The following SRP9 variants were observed in gnomAD, a reference collection of about 807,000 sequenced individuals.
SRP9 encodes the protein signal recognition particle 9, also known as signal recognition particle 9 kDa protein.
Under a neutral mutation model 11.7 loss-of-function variants are expected in SRP9, and 2 were observed. The ratio of observed to expected loss-of-function variants is 0.17; its 90% confidence interval spans 0.07 to 0.54. SRP9 has a LOEUF of 0.54. Among genes scored for constraint, SRP9 ranks in the 20% least tolerant of loss-of-function variants. The pLI is 0.94. For synonymous variants in SRP9, 27 were observed against 35.6 expected, an observed-to-expected ratio of 0.76 and a Z score of 0.86; for missense variants, 54 against 108.1, an observed-to-expected ratio of 0.50 and a Z score of 2.22.
intron 1 of SRP9, among the ~76,000 whole-genome samples, chr1:225,782,114 T>G (rs1360494830): frequency 6.6e-6 from 1 of 152,124 alleles, no homozygotes; most frequent in Non-Finnish European, 1.5e-5. Context: ...TTTAAAATTA[T>G]GTTTCTGTTC....
intron 2 of SRP9, 56 bp from the exon 3 acceptor site, chr1:225,789,184 A>G (rs1399814537): frequency 2.5e-6 from 4 of 1,574,368 alleles, no homozygotes; most frequent in Non-Finnish European, 3.5e-6. Context: ...TATGTTTTCT[A>G]CATTGTCAGT....
chr1:225,786,377 T>C (rs967067280), intron 2 of SRP9, among the ~76,000 whole-genome samples: 1 of 152,248 alleles, frequency 6.6e-6, no homozygotes, highest in Non-Finnish European at 1.5e-5. Context: ...CCTACTATGA[T>C]GTCTTGACCC....
At chr1:225,788,570 C>T (rs1665962172) in intron 2 of SRP9, among the ~76,000 whole-genome samples, 1 of 152,030 alleles carries the variant, frequency 6.6e-6, no homozygotes, top group Admixed American at 6.5e-5. Flanking sequence ...CACACGCCAC[C>T]ACGCCCAGCT....
chr1:225,790,366 T>C lies in SRP9; in HGVS notation c.*1007T>C, dbSNP rs1048161968. 1 of 152,250 alleles carries C rather than the reference T, an allele frequency of 6.6e-6. No individual in the cohort carries two copies. Among genetic ancestry groups the C allele is most frequent in the African/African-American group, 2.4e-5 (1 of 41,460 alleles). 9.4% of individuals were successfully genotyped at this position (152,250 alleles called of 1,614,324 possible). ...ACATTGAAATATGTTTTGTATAAAT[T>C]TGTCATGTTGAACAGCATTTTAGCA... On this transcript the variant is annotated 3_prime_UTR_variant, in exon 3 of 3. Transcript: ENST00000304786.
At chr1:225,778,462 T>C (rs978416412) in intron 1 of SRP9, among the ~76,000 whole-genome samples, 7 of 152,270 alleles carry the variant, frequency 4.6e-5, no homozygotes, top group African/African-American at 1.7e-4. Context: ...TTTGGAAGCA[T>C]CTGTACCCCC....
chr1:225,789,476 G>A lies in SRP9; in HGVS notation c.*117G>A. 6 of 1,253,158 alleles carry A rather than the reference G, an allele frequency of 4.8e-6. No individual in the cohort carries two copies. Among genetic ancestry groups the A allele is most frequent in the Non-Finnish European group, 6.5e-6 (6 of 925,924 alleles). The allele number at this position is 1,253,158 out of a possible 1,614,324, so 77.6% of individuals were successfully genotyped here. A position where few individuals can be genotyped will look rare whatever the true frequency, so the allele number is the denominator to read the frequency against. On this transcript the variant is annotated 3_prime_UTR_variant, in exon 3 of 3. Transcript: ENST00000304786. Reference sequence around the variant, plus strand: ...TAAGTGGGCTGTTCAGAAGCTTAGAGGTCATTTTTTGTAATTTTCTTTTTA... The same window carrying A: ...TAAGTGGGCTGTTCAGAAGCTTAGAAGTCATTTTTTGTAATTTTCTTTTTA...
At chr1:225,781,041 C>T (rs1353709246) in intron 1 of SRP9, among the ~76,000 whole-genome samples, 1 of 152,222 alleles carries the variant, frequency 6.6e-6, no homozygotes, top group Non-Finnish European at 1.5e-5. Context: ...TCACCATTTT[C>T]ATGATCTTCA....
chr1:225,777,993 A>C lies in SRP9; in HGVS notation c.53A>C (p.Tyr18Ser). 1 of 1,614,120 alleles carries C rather than the reference A, an allele frequency of 6.2e-7. No individual in the cohort carries two copies. Among genetic ancestry groups the C allele is most frequent in the Non-Finnish European group, 8.5e-7 (1 of 1,180,004 alleles). Residue 18 changes from tyrosine (Y) to serine (S), a missense_variant, in exon 1 of 3, where the codon TAC becomes TCC. By Grantham distance (144) the Tyr-to-Ser change is moderately radical. Coordinates refer to ENST00000304786, the MANE Select transcript of SRP9 (RefSeq NM_003133.6). ...EEFSRAAEKL[Y>S]LADPMKARVV... ...TTCAGCCGCGCTGCCGAGAAGCTTTACCTCGCTGACCCTATGAAGGTAAAT... is the reference window on the plus strand; with the variant it reads ...TTCAGCCGCGCTGCCGAGAAGCTTTCCCTCGCTGACCCTATGAAGGTAAAT...
intron 2 of SRP9, chr1:225,786,938 G>GTCGAGGTC: frequency 1.5e-6 from 1 of 671,444 alleles, no homozygotes; most frequent in Non-Finnish European, 2.3e-6. Context: ...GACCTCCTGG[G>GTCGAGGTC]CTCAAGCGGT....
intron 1 of SRP9, among the ~76,000 whole-genome samples, chr1:225,781,115 G>C (rs1308460226): frequency 6.6e-6 from 1 of 152,044 alleles, no homozygotes; most frequent in African/African-American, 2.4e-5. Flanking sequence ...CCTTTCTTCT[G>C]CCTTCTTCTA....
chr1:225,778,162 C>G (rs1265175650), intron 1 of SRP9, 150 bp downstream of exon 1: 1 of 892,218 alleles, frequency 1.1e-6, no homozygotes, highest in African/African-American at 1.7e-5. Flanking sequence ...GCTCTCTCGT[C>G]CCCTTCTTCC....
At chr1:225,782,757 GT>G (rs1469773619) in intron 1 of SRP9, among the ~76,000 whole-genome samples, 13 of 152,200 alleles carry the variant, frequency 8.5e-5, no homozygotes, top group African/African-American at 3.1e-4. Flanking sequence ...GTAATAATGC[GT>G]TATGTTCTAC....
intron 2 of SRP9, among the ~76,000 whole-genome samples, chr1:225,788,414 ATTTTTTTTT>A (rs35284825): frequency 7.8e-6 from 1 of 128,014 alleles, no homozygotes; most frequent in African/African-American, 2.9e-5. Context: ...GCAAATCAAG[ATTTTTTTTT>A]TTTTTTTTTT....
chr1:225,788,572 C>G (rs993148170), intron 2 of SRP9, among the ~76,000 whole-genome samples: 1 of 152,030 alleles, frequency 6.6e-6, no homozygotes, highest in Non-Finnish European at 1.5e-5. Context: ...CACGCCACCA[C>G]GCCCAGCTAA....
chr1:225,784,025 A>G (rs79810503), intron 2 of SRP9, among the ~76,000 whole-genome samples: 6,517 of 151,240 alleles, frequency 0.043, 211 homozygotes, highest in African/African-American at 0.097. Context: ...TGCCCCATAT[A>G]TATGTGCTTC....
At chr1:225,788,502 C>T (rs1665960604) in intron 2 of SRP9, among the ~76,000 whole-genome samples, 1 of 150,964 alleles carries the variant, frequency 6.6e-6, no homozygotes, top group Non-Finnish European at 1.5e-5. Flanking sequence ...CTGCAGCCCT[C>T]ACTCCTGGGT....
intron 1 of SRP9, among the ~76,000 whole-genome samples, chr1:225,779,086 A>G (rs185791027): frequency 2.6e-5 from 4 of 152,122 alleles, no homozygotes; most frequent in Admixed American, 2.6e-4. Context: ...GAAGAAAGAA[A>G]ATTAAAAGCA....
chr1:225,783,241 ATTAT>A, intron 1 of SRP9, 55 bp from the exon 2 acceptor site: 1 of 1,389,414 alleles, frequency 7.2e-7, no homozygotes, highest in African/African-American at 1.4e-5. Context: ...TGAAGACTAA[ATTAT>A]TTATAAGAAA....
At chr1:225,783,838 C>G (rs1229631728) in intron 2 of SRP9, among the ~76,000 whole-genome samples, 1 of 152,216 alleles carries the variant, frequency 6.6e-6, no homozygotes, top group East Asian at 1.9e-4. Flanking sequence ...CCTTTCTTTT[C>G]AAACCCAGTG....
Sources: allele counts gnomAD v4.1 joint callset (sites outside exome capture counted in the v4.1 genomes callset), GRCh38; gene constraint gnomAD v4.1.1; transcripts MANE v1.5; gene names NCBI Gene and HGNC (gene_info 2026-07-23, HGNC 2026-07-21).